The following ACVR1 variants were observed in gnomAD, a reference collection of about 807,000 sequenced individuals.
The protein encoded by ACVR1 is activin A receptor type 1, also known as activin receptor type-1.
In ACVR1, 38 loss-of-function variants were observed where a neutral mutation model predicts 57.1. The ratio of observed to expected loss-of-function variants is 0.67; its 90% CI spans 0.51 to 0.87. The LOEUF is 0.87. ACVR1 is among the 40% of genes least tolerant of loss of function. The pLI is 0.00. For missense variants in ACVR1, 463 were observed against 638.2 expected (o/e 0.73, Z 2.96); for synonymous variants, 212 against 228.1 (o/e 0.93, Z 0.63).
At chr2:157,827,486 T>C (rs1433375748) in intron 1 of ACVR1, among the ~76,000 whole-genome samples, 2 of 152,228 alleles carry the variant, frequency 1.3e-5, no homozygotes, top group Non-Finnish European at 2.9e-5. Flanking sequence ...ATTGTATAAG[T>C]GTTTGCCAGT....
chr2:157,809,612 C>T (rs376718150), intron 2 of ACVR1, among the ~76,000 whole-genome samples: 23 of 151,920 alleles, frequency 1.5e-4, no homozygotes, highest in African/African-American at 5.3e-4. Flanking sequence ...ACCACCCACT[C>T]GACCAGAAAC....
chr2:157,780,322 A>G lies in ACVR1; in HGVS notation c.331+15T>C, dbSNP rs752458725. The G allele has an allele frequency of 3.1e-6, 5 of 1,614,180 alleles. No homozygotes were observed. Among genetic ancestry groups the G allele is most frequent in the Admixed American group, 3.3e-5 (2 of 60,030 alleles). ...CAAAACCCCTTGATCTAGAAATAGA[A>G]AAGTCCATGGGAACCTTTAGTGGGC... On this transcript the variant is annotated intron_variant, in intron 4 of 10. Transcript: ENST00000434821.
chr2:157,820,458 A>G (rs1044974303), intron 1 of ACVR1, among the ~76,000 whole-genome samples: 1 of 152,248 alleles, frequency 6.6e-6, no homozygotes, highest in Non-Finnish European at 1.5e-5. Context: ...GCCTAGGGTC[A>G]ACCATGTCTT....
intron 1 of ACVR1, among the ~76,000 whole-genome samples, chr2:157,831,027 T>G (rs754445200): frequency 4.5e-4 from 69 of 152,074 alleles, no homozygotes; most frequent in Non-Finnish European, 8.7e-4. Context: ...GAATTCCTGG[T>G]CTCAAACAAT....
chr2:157,813,974 T>C (rs1687845433), intron 2 of ACVR1, among the ~76,000 whole-genome samples: 1 of 152,230 alleles, frequency 6.6e-6, no homozygotes, highest in Non-Finnish European at 1.5e-5. Flanking sequence ...TTAACTACGA[T>C]ACTAGGATGT....
chr2:157,816,531 A>C (rs1687943027), intron 2 of ACVR1, among the ~76,000 whole-genome samples: 1 of 151,988 alleles, frequency 6.6e-6, no homozygotes, highest in South Asian at 2.1e-4. Context: ...CAGGAGTTTG[A>C]GGCTGCAGCG....
intron 1 of ACVR1, among the ~76,000 whole-genome samples, chr2:157,834,077 T>C (rs535698509): frequency 1.3e-5 from 2 of 152,340 alleles, no homozygotes; most frequent in South Asian, 4.1e-4. Flanking sequence ...CATACATGTC[T>C]AGAAGCTATT....
chr2:157,796,504 A>G (rs1419728463), intron 3 of ACVR1, among the ~76,000 whole-genome samples: 1 of 152,134 alleles, frequency 6.6e-6, no homozygotes, highest in Non-Finnish European at 1.5e-5. Flanking sequence ...CAGTGAGCTG[A>G]TATCACACCA....
chr2:157,844,692 A>G (rs1689075124), intron 1 of ACVR1, among the ~76,000 whole-genome samples: 2 of 152,162 alleles, frequency 1.3e-5, no homozygotes, highest in South Asian at 4.1e-4. Flanking sequence ...TCAGAGCAAA[A>G]GAAACCCTTT....
chr2:157,793,180 G>A (rs1686984258), intron 3 of ACVR1, among the ~76,000 whole-genome samples: 1 of 152,128 alleles, frequency 6.6e-6, no homozygotes, highest in Non-Finnish European at 1.5e-5. Context: ...CTTTATAAAA[G>A]AGAACACTTA....
chr2:157,799,051 C>G lies in ACVR1; in HGVS notation c.67+376G>C, dbSNP rs545237510. Among the ~76,000 whole-genome samples, 8 of 152,084 alleles carry G rather than the reference C, an allele frequency of 5.3e-5. 1 individual carries two copies. In the South Asian group the frequency reaches 1.7e-3, roughly 32 times the overall value. Reference sequence around the variant, plus strand: ...AGCTGGGATTACAGGTGCCCGCCACCATGCCTGGCTAATTTTTGCATTTTT... The same window carrying G: ...AGCTGGGATTACAGGTGCCCGCCACGATGCCTGGCTAATTTTTGCATTTTT... On this transcript the variant is annotated intron_variant, in intron 3 of 10. Transcript: ENST00000434821.
chr2:157,857,201 GA>G (rs1689564302), intron 1 of ACVR1, among the ~76,000 whole-genome samples: 1 of 151,620 alleles, frequency 6.6e-6, no homozygotes, highest in Non-Finnish European at 1.5e-5. Context: ...CTGACTCAAA[GA>G]AAAAAAGAAA....
chr2:157,871,824 G>A (rs1315236935), intron 1 of ACVR1, among the ~76,000 whole-genome samples: 1 of 152,150 alleles, frequency 6.6e-6, no homozygotes, highest in African/African-American at 2.4e-5. Context: ...GGAAGCTGCC[G>A]AATATCTTAT....
intron 9 of ACVR1, among the ~76,000 whole-genome samples, chr2:157,748,631 T>TAA (rs796281012): frequency 4.2e-5 from 6 of 141,350 alleles, no homozygotes; most frequent in African/African-American, 1.0e-4. Context: ...ATGATTCCAT[T>TAA]AAAAAAAAAA....
intron 9 of ACVR1, among the ~76,000 whole-genome samples, chr2:157,756,096 A>G (rs1685415852): frequency 6.6e-6 from 1 of 152,136 alleles, no homozygotes; most frequent in Non-Finnish European, 1.5e-5. Flanking sequence ...TGGTGCTGGG[A>G]TAACTGACAA....
chr2:157,740,891 T>C (rs1276262349), intron 9 of ACVR1, among the ~76,000 whole-genome samples: 1 of 152,214 alleles, frequency 6.6e-6, no homozygotes, highest in Non-Finnish European at 1.5e-5. Flanking sequence ...GTCAAGCCTC[T>C]TTTTCCTCAA....
chr2:157,784,826 G>A (rs762311201), intron 3 of ACVR1, among the ~76,000 whole-genome samples: 1 of 152,234 alleles, frequency 6.6e-6, no homozygotes. Context: ...CACCTCCTCC[G>A]AGTCTAATGC....
chr2:157,779,101 A>AT (rs569731410), intron 4 of ACVR1, among the ~76,000 whole-genome samples: 8 of 152,232 alleles, frequency 5.3e-5, no homozygotes, highest in Non-Finnish European at 7.3e-5. Flanking sequence ...AACTAACAAA[A>AT]TGCAACGCTG....
rs535352915 is a variant in ACVR1 at position 157,789,749 on chromosome 2, A to G, written c.68-9149T>C. On this transcript the variant is annotated intron_variant, in intron 3 of 10. Transcript: ENST00000434821. ...AATATTTGGACTACTGAGAAATAATAATCTAGCAAAGAGACACCTTGTAGA... is the reference window on the plus strand; with the variant it reads ...AATATTTGGACTACTGAGAAATAATGATCTAGCAAAGAGACACCTTGTAGA... Among the ~76,000 whole-genome samples the G allele has an allele frequency of 1.4e-4, 22 of 152,352 alleles. 1 individual carries two copies. The highest frequency in any genetic ancestry group is 1.0e-3 in the South Asian group (5 of 4,828).
Sources: gnomAD v4.1 joint callset for allele counts (sites outside exome capture counted in the v4.1 genomes callset) on GRCh38, gnomAD v4.1.1 for gene constraint, MANE v1.5 for transcripts, NCBI Gene and HGNC (gene_info 2026-07-23, HGNC 2026-07-21) for gene names.